Variants in ZNF277 observed in about 807,000 individuals in gnomAD.
ZNF277 encodes the protein zinc finger protein 277.
Under a neutral mutation model 60.7 loss-of-function variants are expected in ZNF277, and 55 were observed. The observed-to-expected ratio is 0.91, with a 90% CI of 0.73 to 1.13. The LOEUF is 1.13. ZNF277 is among the 50% of genes most tolerant of loss of function. The pLI, the probability that ZNF277 is intolerant of heterozygous loss-of-function variation, is 0.00. For synonymous variants in ZNF277, 178 were observed against 179.3 expected, an observed-to-expected ratio of 0.99 and a Z score of 0.06; for missense variants, 510 against 523.0, an observed-to-expected ratio of 0.98 and a Z score of 0.24.
intron 4 of ZNF277, among the ~76,000 whole-genome samples, chr7:112,305,257 T>C (rs1410108951): frequency 1.3e-5 from 2 of 152,058 alleles, no homozygotes; most frequent in East Asian, 3.8e-4. Context: ...TCATGGCTTT[T>C]TTTGAAGGGG....
chr7:112,223,045 T>A (rs913858796), intron 1 of ZNF277, among the ~76,000 whole-genome samples: 3 of 152,252 alleles, frequency 2.0e-5, no homozygotes, highest in African/African-American at 7.2e-5. Context: ...CTCCTTGCTC[T>A]TCAGCCTGCT....
chr7:112,237,618 T>C (rs1315216236), intron 1 of ZNF277, among the ~76,000 whole-genome samples: 2 of 152,078 alleles, frequency 1.3e-5, no homozygotes, highest in Admixed American at 1.3e-4. Context: ...GATACATTTC[T>C]AAAAACATAC....
intron 1 of ZNF277, among the ~76,000 whole-genome samples, chr7:112,243,665 GTC>G (rs1298064684): frequency 6.6e-6 from 1 of 151,898 alleles, no homozygotes; most frequent in Non-Finnish European, 1.5e-5. Context: ...TAGTTAAAAA[GTC>G]AAAAAATTAC....
chr7:112,254,176 A>G (rs1791255191), intron 1 of ZNF277, among the ~76,000 whole-genome samples: 1 of 152,258 alleles, frequency 6.6e-6, no homozygotes, highest in African/African-American at 2.4e-5. Context: ...TTCAGAAAGC[A>G]ATAAACCACA....
At chr7:112,246,102 G>T (rs1791077729) in intron 1 of ZNF277, among the ~76,000 whole-genome samples, 2 of 152,094 alleles carry the variant, frequency 1.3e-5, no homozygotes, top group African/African-American at 4.8e-5. Context: ...TAAAAGGTAA[G>T]GCCGAGTACA....
At chr7:112,288,059 C>A (rs1200948494) in intron 2 of ZNF277, 1 of 152,102 alleles carries the variant, frequency 6.6e-6, no homozygotes, top group Non-Finnish European at 1.5e-5. Flanking sequence ...TCCAGTAATT[C>A]CAGAATAGAC....
chr7:112,325,971 C>T (rs574985841), intron 5 of ZNF277, among the ~76,000 whole-genome samples: 1 of 152,294 alleles, frequency 6.6e-6, no homozygotes, highest in Non-Finnish European at 1.5e-5. Context: ...CTGGCCAAGC[C>T]TCCAAACTCA....
At chr7:112,333,987 A>T (rs1196501558) in intron 7 of ZNF277, among the ~76,000 whole-genome samples, 1 of 152,096 alleles carries the variant, frequency 6.6e-6, no homozygotes. Flanking sequence ...TTCTAAAGGG[A>T]ATTGGTTTTG....
intron 1 of ZNF277, among the ~76,000 whole-genome samples, chr7:112,235,753 T>G (rs1011721235): frequency 3.9e-5 from 6 of 152,014 alleles, no homozygotes; most frequent in African/African-American, 1.4e-4. Flanking sequence ...AAAAGGTTTT[T>G]TTGTTGTTGT....
intron 1 of ZNF277, among the ~76,000 whole-genome samples, chr7:112,221,072 G>A (rs1302145949): frequency 6.6e-6 from 1 of 152,090 alleles, no homozygotes; most frequent in Non-Finnish European, 1.5e-5. Context: ...CTGACCCGCC[G>A]CTGACTTCCA....
rs1232714248 is a variant in ZNF277, at chr7:112,235,102, A to G, written c.91+28295A>G. On this transcript the variant is annotated intron_variant, in intron 1 of 11. Coordinates refer to ENST00000361822, the MANE Select transcript of ZNF277 (RefSeq NM_021994.3). ...TCTTTTGTGTACTACTGTGTTTTAC[A>G]TCATAGTTAGAAAAAAAACAATTTC... Among the ~76,000 whole-genome samples, 8 of 152,094 alleles carry G rather than the reference A, an allele frequency of 5.3e-5. 1 individual carries two copies. Among genetic ancestry groups the G allele is most frequent in the African/African-American group, 1.9e-4 (8 of 41,550 alleles).
chr7:112,214,843 G>C (rs1821840182), intron 1 of ZNF277, among the ~76,000 whole-genome samples: 1 of 152,092 alleles, frequency 6.6e-6, no homozygotes, highest in Non-Finnish European at 1.5e-5. Context: ...AAAATATGTA[G>C]AAGGAAAAAC....
intron 7 of ZNF277, among the ~76,000 whole-genome samples, chr7:112,333,517 G>A (rs1793269708): frequency 6.6e-6 from 1 of 152,096 alleles, no homozygotes; most frequent in South Asian, 2.1e-4. Flanking sequence ...CACACACAGA[G>A]CTCCTCACCT....
chr7:112,323,358 C>T (rs1793028083), intron 5 of ZNF277, among the ~76,000 whole-genome samples: 1 of 152,206 alleles, frequency 6.6e-6, no homozygotes, highest in African/African-American at 2.4e-5. Context: ...ACAAAATTGT[C>T]ACTGATTGTT....
chr7:112,322,733 C>T (rs978818656), intron 5 of ZNF277, among the ~76,000 whole-genome samples: 4 of 151,994 alleles, frequency 2.6e-5, no homozygotes, highest in African/African-American at 9.7e-5. Flanking sequence ...GGGGTGATTT[C>T]TGTTTCTGCT....
At chr7:112,334,974 T>G (rs1256603516) in intron 7 of ZNF277, among the ~76,000 whole-genome samples, 2 of 152,152 alleles carry the variant, frequency 1.3e-5, no homozygotes, top group Admixed American at 1.3e-4. Flanking sequence ...TCTAATGACA[T>G]TATGATAGAT....
At chr7:112,242,566 A>T (rs1411508031) in intron 1 of ZNF277, among the ~76,000 whole-genome samples, 1 of 137,606 alleles carries the variant, frequency 7.3e-6, no homozygotes, top group East Asian at 2.9e-4. Flanking sequence ...CCAAAAAAAA[A>T]AAAAAAACAA....
intron 1 of ZNF277, among the ~76,000 whole-genome samples, chr7:112,235,919 G>C (rs1332287271): frequency 6.6e-6 from 1 of 151,888 alleles, no homozygotes; most frequent in African/African-American, 2.4e-5. Flanking sequence ...CTTACATGTA[G>C]GTTTGTGATC....
At position 112,342,892 on chromosome 7, in the gene ZNF277, T is replaced by A; in HGVS notation, c.*163T>A. The A allele has an allele frequency of 4.0e-6, 2 of 499,654 alleles. No homozygotes were observed. The highest frequency in any genetic ancestry group is 6.5e-6 in the Non-Finnish European group (2 of 309,778). 31.0% of individuals were successfully genotyped at this position (499,654 alleles called of 1,614,324 possible). The stretch of plus-strand genomic sequence containing the variant: ...TGAATGTTCTTTTCAAAAAATAAAG[T>A]AGAAAAATGCACTTACTAAGAACAT... On this transcript the variant is annotated 3_prime_UTR_variant, in exon 12 of 12. Transcript: ENST00000361822.
Sources: allele counts gnomAD v4.1 joint callset (sites outside exome capture counted in the v4.1 genomes callset), GRCh38; gene constraint gnomAD v4.1.1; transcripts MANE v1.5; gene names NCBI Gene and HGNC (gene_info 2026-07-23, HGNC 2026-07-21).